ATP10D: variants seen among roughly 807,000 people sequenced by gnomAD.
ATP10D encodes the protein phospholipid-transporting ATPase VD.
In ATP10D, 89 loss-of-function variants were observed where a neutral mutation model predicts 144.8. That is an observed-to-expected ratio of 0.61 (90% confidence interval 0.52 to 0.73). The LOEUF is 0.73. Ranked by LOEUF, ATP10D falls within the 30% of genes least tolerant of loss-of-function variation. The probability of loss-of-function intolerance (pLI) is 0.00; values close to 1 mark genes in which losing one functional copy is unlikely to be tolerated. For missense variants in ATP10D, 1,603 were observed against 1,714.8 expected (o/e 0.93, Z 1.15); for synonymous variants, 571 against 615.1 (o/e 0.93, Z 1.06).
At chr4:47,518,430 T>A (rs1364152838) in intron 3 of ATP10D, among the ~76,000 whole-genome samples, 1 of 152,204 alleles carries the variant, frequency 6.6e-6, no homozygotes, top group African/African-American at 2.4e-5. Context: ...TTTTAAAATC[T>A]GTTTTAACAT....
chr4:47,517,162 C>A (rs1716733687), intron 3 of ATP10D, among the ~76,000 whole-genome samples: 1 of 152,016 alleles, frequency 6.6e-6, no homozygotes, highest in South Asian at 2.1e-4. Context: ...ACGTGTAATC[C>A]CACCACTTTG....
At chr4:47,496,162 T>C (rs1443601059) in intron 1 of ATP10D, among the ~76,000 whole-genome samples, 3 of 91,036 alleles carry the variant, frequency 3.3e-5, no homozygotes, top group Non-Finnish European at 7.2e-5. Context: ...TTTTCTTTTT[T>C]TTTTTTTTTT....
At chr4:47,589,468 C>G (rs1388432718) in intron 22 of ATP10D, among the ~76,000 whole-genome samples, 1 of 152,056 alleles carries the variant, frequency 6.6e-6, no homozygotes, top group Non-Finnish European at 1.5e-5. Context: ...AAAAATTCTC[C>G]TAGACTTCCT....
In ATP10D at chr4:47,587,029, A is replaced by T; in HGVS notation, c.3764A>T (p.His1255Leu). ...VIESKSLTWI[H>L]LLVIIGSILS... is the part of the protein sequence containing the mutation. ...CTTCTTGTCTTACAGACTTGGATTC[A>T]CTTGCTGGTCATCATTGGTAGCATC... Residue 1255 changes from histidine (H) to leucine (L), a missense_variant, in exon 22 of 23, where the codon CAC (histidine) becomes CTC (leucine). Transcript: ENST00000273859. 3 of 1,613,600 alleles carry T rather than the reference A, an allele frequency of 1.9e-6. No individual in the cohort carries two copies. Among genetic ancestry groups the T allele is most frequent in the Non-Finnish European group, 2.5e-6 (3 of 1,179,672 alleles).
At chr4:47,514,227 G>A (rs1716509668) in intron 2 of ATP10D, among the ~76,000 whole-genome samples, 1 of 152,088 alleles carries the variant, frequency 6.6e-6, no homozygotes, top group Non-Finnish European at 1.5e-5. Flanking sequence ...TTAAATAGTG[G>A]CTATGTTTAA....
intron 9 of ATP10D, among the ~76,000 whole-genome samples, chr4:47,542,832 C>T (rs1041667741): frequency 6.6e-6 from 1 of 152,154 alleles, no homozygotes; most frequent in African/African-American, 2.4e-5. Flanking sequence ...CACTTCATAT[C>T]TTCTTGATTC....
rs1277333327 is a variant in ATP10D, at chr4:47,576,922, A to C, written c.3516A>C (p.Ala1172=). Reference sequence around the variant, plus strand: ...GTGTTTTGGAGAAAGATGTGTCTGCAGAGACCCTCATGCAACTGCCTGAAC... The same window carrying C: ...GTGTTTTGGAGAAAGATGTGTCTGCCGAGACCCTCATGCAACTGCCTGAAC... The part of the protein sequence containing the change: ...IYGVLEKDVS[A]ETLMQLPELY... The change falls in exon 19 of 23, where the codon GCA becomes GCC. Residue 1172 remains alanine, a synonymous_variant. Transcript: ENST00000273859. The C allele has an allele frequency of 6.2e-7, 1 of 1,614,196 alleles. No homozygotes were observed. The highest frequency in any genetic ancestry group is 1.7e-5 in the Admixed American group (1 of 60,032).
intron 10 of ATP10D, among the ~76,000 whole-genome samples, chr4:47,550,238 A>G (rs1274124251): frequency 6.6e-6 from 1 of 152,164 alleles, no homozygotes; most frequent in Non-Finnish European, 1.5e-5. Context: ...TGCATAAACA[A>G]TTATAGTGGG....
At chr4:47,503,565 G>A (rs994365324) in intron 1 of ATP10D, among the ~76,000 whole-genome samples, 8 of 152,104 alleles carry the variant, frequency 5.3e-5, no homozygotes, top group Non-Finnish European at 7.4e-5. Flanking sequence ...CTTATATAGC[G>A]CTTCCTCCCA....
At chr4:47,577,570 C>T (rs1171256203) in intron 19 of ATP10D, among the ~76,000 whole-genome samples, 1 of 152,162 alleles carries the variant, frequency 6.6e-6, no homozygotes, top group Non-Finnish European at 1.5e-5. Context: ...AGCAAGCTCT[C>T]AATGTTGTCA....
chr4:47,536,638 CT>C (rs749367108), intron 8 of ATP10D, 47 bp from the exon 9 acceptor site: 15 of 1,597,180 alleles, frequency 9.4e-6, no homozygotes, highest in African/African-American at 1.4e-5. Context: ...GTTTCACATC[CT>C]TTTTTAACCT....
intron 4 of ATP10D, 139 bp downstream of exon 4, chr4:47,523,355 C>T: frequency 4.2e-6 from 3 of 709,948 alleles, no homozygotes; most frequent in Non-Finnish European, 7.1e-6. Context: ...GTTTCATTCA[C>T]TTCCAGATAT....
At position 47,572,987 on chromosome 4, in the gene ATP10D, A is replaced by T; in HGVS notation, c.3356A>T (p.Tyr1119Phe). ...TCCAACATGATTCTCTATTTTTTCT[A>T]TAAGAATGTGGTATGTAACCCCAGA... ...RLSNMILYFF[Y>F]KNVAYVNLLF... The change falls in exon 18 of 23, where the codon TAT becomes TTT. Residue 1119 changes from tyrosine (Y) to phenylalanine (F), a missense_variant. Physicochemically the swap from Tyr to Phe is conservative, Grantham distance 22. Transcript: ENST00000273859. 6.2e-7 allele frequency: 1 copy of T among 1,613,986 alleles called. No individual in the cohort carries two copies. The highest frequency in any genetic ancestry group is 8.5e-7 in the Non-Finnish European group (1 of 1,179,930).
At position 47,590,978 on chromosome 4, in the gene ATP10D, G is replaced by C. The variant is rs1041966978; in HGVS notation, c.3942-64G>C. On this transcript the variant is annotated intron_variant, in intron 22 of 22. Transcript: ENST00000273859. ...TACTTTTTTAATTCGTTAGTATTTG[G>C]GGGGGGGGGTTCTGTAATGCATTTG... 3.7e-5 allele frequency: 40 copies of C among 1,088,440 alleles called. 1 individual carries two copies. Among genetic ancestry groups the C allele is most frequent in the South Asian group, 1.5e-4 (8 of 51,882 alleles). The allele number at this position is 1,088,440 out of a possible 1,614,324, so 67.4% of individuals were successfully genotyped here.
chr4:47,582,119 T>A, intron 21 of ATP10D, 55 bp downstream of exon 21: 5 of 1,376,116 alleles, frequency 3.6e-6, no homozygotes, highest in Non-Finnish European at 5.2e-6. Context: ...CTTGGGGATA[T>A]GTCTTCTATT....
Position 47,568,935 on chromosome 4 carries a change from G to T in ATP10D, c.2952G>T (p.Gln984His). ...EQVSLSEDLL[Q>H]PPVPRDSGLR... ...TGTCATTAAGTGAAGATTTACTTCA[G>T]CCTCCTGTCCCCCGGGACTCAGGGT... is the stretch of plus-strand genomic sequence containing the variant. The change falls in exon 16 of 23, where the codon CAG becomes CAT. Residue 984 changes from glutamine (Q) to histidine (H), a missense_variant. Gln to His is a conservative substitution (Grantham distance 24). Transcript: ENST00000273859. The T allele has an allele frequency of 6.2e-7, 1 of 1,614,138 alleles. No homozygotes were observed. Among genetic ancestry groups the T allele is most frequent in the Non-Finnish European group, 8.5e-7 (1 of 1,180,024 alleles).
At chr4:47,497,414 C>A (rs547327827) in intron 1 of ATP10D, among the ~76,000 whole-genome samples, 5 of 151,998 alleles carry the variant, frequency 3.3e-5, no homozygotes, top group African/African-American at 1.2e-4. Flanking sequence ...GAGATTGCGC[C>A]GTTGCACTCC....
At chr4:47,492,234 A>C (rs1227837544) in intron 1 of ATP10D, among the ~76,000 whole-genome samples, 2 of 152,214 alleles carry the variant, frequency 1.3e-5, no homozygotes, top group African/African-American at 2.4e-5. Flanking sequence ...AGATTTGGAA[A>C]CTGATGCTCA....
At chr4:47,509,904 G>C (rs1716220314) in intron 1 of ATP10D, among the ~76,000 whole-genome samples, 1 of 151,660 alleles carries the variant, frequency 6.6e-6, no homozygotes, top group South Asian at 2.1e-4. Flanking sequence ...ATTGCAGGTG[G>C]TAAGGGTAAG....
Sources: allele counts gnomAD v4.1 joint callset (sites outside exome capture counted in the v4.1 genomes callset), GRCh38; gene constraint gnomAD v4.1.1; transcripts MANE v1.5; gene names NCBI Gene and HGNC (gene_info 2026-07-23, HGNC 2026-07-21).